The following MRPS18B variants were observed in gnomAD, a reference collection of about 807,000 sequenced individuals.
MRPS18B encodes mitochondrial ribosomal protein S18B.
In MRPS18B, 27 loss-of-function variants were observed where a neutral mutation model predicts 28.4. The ratio of observed to expected loss-of-function variants is 0.95; its 90% CI spans 0.70 to 1.31. The LOEUF (loss-of-function observed/expected upper bound fraction) is 1.31, where lower values mean the gene tolerates loss of function less well. Ranked by LOEUF, MRPS18B falls within the 40% of genes most tolerant of loss-of-function variation. The pLI is 0.00. For missense variants in MRPS18B, 343 were observed against 335.9 expected (o/e 1.02, Z -0.17); for synonymous variants, 118 against 123.7 (o/e 0.95, Z 0.30).
At chr6:30,624,762 G>T in intron 5 of MRPS18B, 121 bp from the exon 6 acceptor site, 1 of 1,051,326 alleles carries the variant, frequency 9.5e-7, no homozygotes, top group Non-Finnish European at 1.4e-6. Context: ...GGAGGGGTCA[G>T]GGGAAAGGGG....
chr6:30,623,072 G>A (rs1761270270), intron 5 of MRPS18B, among the ~76,000 whole-genome samples, 174 bp downstream of exon 5: 1 of 152,152 alleles, frequency 6.6e-6, no homozygotes, highest in Non-Finnish European at 1.5e-5. Context: ...GTGGACAAAA[G>A]AAAACAACAA....
Position 30,624,353 on chromosome 6 carries a change from C to A in MRPS18B, c.422-530C>A, listed in dbSNP as rs554285528. ...TCAAGTGATCCTCCCACCTAAGCCTCCCAAAATGCTGGGATTATAGGCATG... is the reference window on the plus strand; with the variant it reads ...TCAAGTGATCCTCCCACCTAAGCCTACCAAAATGCTGGGATTATAGGCATG... On this transcript the variant is annotated intron_variant, in intron 5 of 6. Coordinates refer to ENST00000259873, the MANE Select transcript of MRPS18B (RefSeq NM_014046.4). 1.9e-4 allele frequency among the ~76,000 whole-genome samples: 28 copies of A among 147,960 alleles called. No individual in the cohort carries two copies. The East Asian group carries it at 5.4e-3, about 28-fold the overall frequency.
chr6:30,625,937 C>G lies in MRPS18B; in HGVS notation c.*140C>G, dbSNP rs1235813166. ...GCACCATGGTGAAACCTCGTCTTTACCAAAAAATACAAAAATTAGCTGGGT... is the reference window on the plus strand; with the variant it reads ...GCACCATGGTGAAACCTCGTCTTTAGCAAAAAATACAAAAATTAGCTGGGT... On this transcript the variant is annotated 3_prime_UTR_variant, in exon 7 of 7. Transcript: ENST00000259873. 1 of 898,768 alleles carries G rather than the reference C, an allele frequency of 1.1e-6. No individual in the cohort carries two copies. The highest frequency in any genetic ancestry group is 1.7e-5 in the African/African-American group (1 of 58,816). The allele number at this position is 898,768 out of a possible 1,614,324, so 55.7% of individuals were successfully genotyped here. A position where few individuals can be genotyped will look rare whatever the true frequency, so the allele number is the denominator to read the frequency against.
intron 4 of MRPS18B, among the ~76,000 whole-genome samples, chr6:30,622,049 A>G (rs957640404): frequency 6.6e-5 from 10 of 152,178 alleles, no homozygotes; most frequent in African/African-American, 1.9e-4. Flanking sequence ...CTACTCTACA[A>G]TGTACCTGCT....
In MRPS18B at chr6:30,619,603, T is replaced by A; in HGVS notation, c.187+2T>A. On this transcript the variant is annotated splice_donor_variant, in intron 2 of 6. Transcript: ENST00000259873. LOFTEE classifies it high-confidence loss of function. ...CCTGGAAATATCTGGAATCAGAAGG[T>A]ACCTCTAAAGGGGGAAAGGGAGGGT... 4 of 1,612,032 alleles carry A rather than the reference T, an allele frequency of 2.5e-6. No homozygotes were observed. Among genetic ancestry groups the A allele is most frequent in the Non-Finnish European group, 2.5e-6 (3 of 1,179,092 alleles).
intron 6 of MRPS18B, 87 bp from the exon 7 acceptor site, chr6:30,625,415 T>C (rs1761466718): frequency 7.7e-7 from 1 of 1,301,896 alleles, no homozygotes; most frequent in African/African-American, 1.5e-5. Flanking sequence ...CTCTGACTGG[T>C]CCTTCCCTTT....
Position 30,617,861 on chromosome 6 carries a change from T to A in MRPS18B, c.-5T>A, listed in dbSNP as rs773439451. The A allele has an allele frequency of 6.2e-7, 1 of 1,614,178 alleles. No homozygotes were observed. The highest frequency in any genetic ancestry group is 8.5e-7 in the Non-Finnish European group (1 of 1,180,022). On this transcript the variant is annotated 5_prime_UTR_variant, in exon 1 of 7. Coordinates refer to ENST00000259873, the MANE Select transcript of MRPS18B (RefSeq NM_014046.4). ...CGTCAATTCCTGTCCTGGGCGTACG[T>A]CAAGATGGCGGCGTCTGTATTAAAC... is the stretch of plus-strand genomic sequence containing the variant.
At position 30,625,937 on chromosome 6, in the gene MRPS18B, C is replaced by A; in HGVS notation, c.*140C>A. 8 of 898,886 alleles carry A rather than the reference C, an allele frequency of 8.9e-6. No homozygotes were observed. Among genetic ancestry groups the A allele is most frequent in the Non-Finnish European group, 1.3e-5 (8 of 601,604 alleles). 55.7% of individuals were successfully genotyped at this position (898,886 alleles called of 1,614,324 possible). A position where few individuals can be genotyped will look rare whatever the true frequency, so the allele number is the denominator to read the frequency against. ...GCACCATGGTGAAACCTCGTCTTTA[C>A]CAAAAAATACAAAAATTAGCTGGGT... On this transcript the variant is annotated 3_prime_UTR_variant, in exon 7 of 7. Transcript: ENST00000259873.
Position 30,619,601 on chromosome 6 carries a change from G to A in MRPS18B, c.187G>A (p.Glu63Lys). The A allele has an allele frequency of 6.2e-7, 1 of 1,612,202 alleles. No individual in the cohort carries two copies. The change falls in exon 2 of 7, where the codon GAA (glutamate) becomes AAA (lysine). Residue 63 changes from glutamate (E) to lysine (K), a missense_variant and splice_region_variant. Transcript: ENST00000259873. Reference protein sequence around the residue: ...DEPWKYLESEEYQERYGSRPV... With the variant: ...DEPWKYLESEKYQERYGSRPV... The stretch of plus-strand genomic sequence containing the variant: ...GCCCTGGAAATATCTGGAATCAGAA[G>A]GTACCTCTAAAGGGGGAAAGGGAGG...
chr6:30,626,330 T>C lies in MRPS18B; in HGVS notation c.*533T>C, dbSNP rs976544709. The C allele has an allele frequency of 6.0e-6, 1 of 165,682 alleles. No homozygotes were observed. Among genetic ancestry groups the C allele is most frequent in the Admixed American group, 6.0e-5 (1 of 16,634 alleles). 10.3% of individuals were successfully genotyped at this position (165,682 alleles called of 1,614,324 possible). On this transcript the variant is annotated 3_prime_UTR_variant, in exon 7 of 7. Transcript: ENST00000259873. The stretch of plus-strand genomic sequence containing the variant: ...TAAATAGATGGGCTGGGCTAAACAT[T>C]GTTGCCGTTTCATACTTCTACCAAC...
At chr6:30,621,865 G>A (rs984278165) in intron 4 of MRPS18B, among the ~76,000 whole-genome samples, 2 of 151,920 alleles carry the variant, frequency 1.3e-5, no homozygotes, top group Admixed American at 6.6e-5. Flanking sequence ...GAGAATCACT[G>A]GAACCTGGGA....
In MRPS18B at chr6:30,623,217, A is replaced by C. The variant is rs150329982; in HGVS notation, c.421+319A>C. ...AACCCTGTGGTGATGCATGCCTGTA[A>C]TCCCAGCTACTCAGGAGGCGGAGGC... On this transcript the variant is annotated intron_variant, in intron 5 of 6. Transcript: ENST00000259873. Among the ~76,000 whole-genome samples, 135 of 152,098 alleles carry C rather than the reference A, an allele frequency of 8.9e-4. 1 individual carries two copies. Among genetic ancestry groups the C allele is most frequent in the African/African-American group, 3.0e-3 (125 of 41,508 alleles).
rs1760995333 is a variant in MRPS18B at position 30,619,506 on chromosome 6, C to T, written c.92C>T (p.Thr31Ile). The change falls in exon 2 of 7, where the codon ACT becomes ATT. Residue 31 changes from threonine to isoleucine, a missense_variant. Physicochemically the swap from Thr to Ile is moderately conservative, Grantham distance 89 (BLOSUM62 -1). Coordinates refer to ENST00000259873, the MANE Select transcript of MRPS18B (RefSeq NM_014046.4). ...GSHRVQVPLQ[T>I]LCTKAPSEED... is the part of the protein sequence containing the mutation. Reference sequence around the variant, plus strand: ...TCTCCTTTGTAGGTTCCCCTCCAGACTCTTTGCACCAAAGCTCCCTCTGAG... The same window carrying T: ...TCTCCTTTGTAGGTTCCCCTCCAGATTCTTTGCACCAAAGCTCCCTCTGAG... 2 of 1,612,678 alleles carry T rather than the reference C, an allele frequency of 1.2e-6. No homozygotes were observed. Among genetic ancestry groups the T allele is most frequent in the Admixed American group, 1.7e-5 (1 of 59,996 alleles).
chr6:30,624,374 G>T (rs1172395313), intron 5 of MRPS18B, among the ~76,000 whole-genome samples: 1 of 152,140 alleles, frequency 6.6e-6, no homozygotes, highest in African/African-American at 2.4e-5. Flanking sequence ...GGGATTATAG[G>T]CATGAGCCAC....
rs755183499 is a variant in MRPS18B at position 30,617,840 on chromosome 6, A to G, written c.-26A>G. On this transcript the variant is annotated 5_prime_UTR_variant, in exon 1 of 7. Transcript: ENST00000259873. ...AAGCATGCGCAGTTGCCTTTCCGTC[A>G]ATTCCTGTCCTGGGCGTACGTCAAG... is the stretch of plus-strand genomic sequence containing the variant. 6.2e-7 allele frequency: 1 copy of G among 1,614,010 alleles called. No individual in the cohort carries two copies. Among genetic ancestry groups the G allele is most frequent in the East Asian group, 2.2e-5 (1 of 44,892 alleles).
chr6:30,620,193 T>G, intron 4 of MRPS18B: 1 of 547,544 alleles, frequency 1.8e-6, no homozygotes, highest in Non-Finnish European at 3.3e-6. Flanking sequence ...GGCGGGCGCC[T>G]GTAGTCCCAG....
chr6:30,622,353 G>A (rs1271066055), intron 4 of MRPS18B, among the ~76,000 whole-genome samples: 2 of 151,746 alleles, frequency 1.3e-5, no homozygotes, highest in Non-Finnish European at 2.9e-5. Flanking sequence ...ACTAGGTCAG[G>A]AGTTCAAGGC....
At chr6:30,622,207 G>A (rs1761200179) in intron 4 of MRPS18B, among the ~76,000 whole-genome samples, 2 of 151,458 alleles carry the variant, frequency 1.3e-5, no homozygotes, top group African/African-American at 4.9e-5. Context: ...TCATTTTTTG[G>A]GTGATTTCTG....
chr6:30,621,476 G>A (rs1427109291), intron 4 of MRPS18B, among the ~76,000 whole-genome samples: 2 of 152,202 alleles, frequency 1.3e-5, no homozygotes, highest in African/African-American at 2.4e-5. Flanking sequence ...TTCTGAGCTT[G>A]CAGCAAAAGT....
Sources: gnomAD v4.1 joint callset for allele counts (sites outside exome capture counted in the v4.1 genomes callset) on GRCh38, gnomAD v4.1.1 for gene constraint, MANE v1.5 for transcripts, NCBI Gene and HGNC (gene_info 2026-07-23, HGNC 2026-07-21) for gene names.